Variants in PRPF18 observed in about 807,000 individuals in gnomAD.
PRPF18 encodes pre-mRNA-splicing factor 18.
Under a neutral mutation model 46.5 loss-of-function variants are expected in PRPF18, and 38 were observed. That is an observed-to-expected ratio of 0.82 (90% confidence interval 0.63 to 1.07). The LOEUF (loss-of-function observed/expected upper bound fraction) is 1.07, where lower values mean the gene tolerates loss of function less well. Ranked by LOEUF, PRPF18 falls within the 50% of genes least tolerant of loss-of-function variation. The pLI, the probability that PRPF18 is intolerant of heterozygous loss-of-function variation, is 0.00. For missense variants in PRPF18, 263 were observed against 410.0 expected (o/e 0.64, Z 3.10); for synonymous variants, 152 against 146.7 (o/e 1.04, Z -0.26).
At chr10:13,618,615 C>CAAAAAAAAAA (rs68069523) in intron 9 of PRPF18, among the ~76,000 whole-genome samples, 2 of 39,982 alleles carry the variant, frequency 5.0e-5, no homozygotes, top group African/African-American at 8.6e-5. Context: ...AAGACCCTGT[C>CAAAAAAAAAA]AAAAAAAAAA....
chr10:13,606,424 C>G (rs1313951742), intron 4 of PRPF18, among the ~76,000 whole-genome samples: 2 of 152,162 alleles, frequency 1.3e-5, no homozygotes, highest in Non-Finnish European at 2.9e-5. Context: ...AAATTTGTTT[C>G]CAGCTTTGGG....
At chr10:13,648,446 C>T in the PRPF18 span, among the ~76,000 whole-genome samples, 3 of 152,164 alleles carry the variant, frequency 2.0e-5, no homozygotes, top group African/African-American at 4.8e-5. Context: ...CCTAACTCCA[C>T]GTGGTCCTGG....
intron 1 of PRPF18, 77 bp downstream of exon 1, chr10:13,587,229 G>A (rs771358630): frequency 1.4e-6 from 2 of 1,449,036 alleles, no homozygotes; most frequent in African/African-American, 1.4e-5. Context: ...TGAGGGTGAC[G>A]ATACTCAGAG....
chr10:13,597,397 C>G, intron 1 of PRPF18, 61 bp from the exon 2 acceptor site: 1 of 1,148,966 alleles, frequency 8.7e-7, no homozygotes, highest in South Asian at 1.5e-5. Flanking sequence ...TATTTGTTGA[C>G]TATGGGACAT....
chr10:13,604,660 T>C (rs903784514), intron 3 of PRPF18, among the ~76,000 whole-genome samples: 1 of 152,234 alleles, frequency 6.6e-6, no homozygotes, highest in Non-Finnish European at 1.5e-5. Context: ...TTAGTGTTTT[T>C]CCTGTGTGTC....
At chr10:13,594,425 C>T (rs1447735708) in intron 1 of PRPF18, among the ~76,000 whole-genome samples, 1 of 152,196 alleles carries the variant, frequency 6.6e-6, no homozygotes, top group Non-Finnish European at 1.5e-5. Context: ...CTTGATACTA[C>T]ACCAAAACTA....
chr10:13,587,579 A>G (rs959504711), intron 1 of PRPF18, among the ~76,000 whole-genome samples: 1 of 152,240 alleles, frequency 6.6e-6, no homozygotes, highest in African/African-American at 2.4e-5. Context: ...CGTGCCCTGC[A>G]TTGGCCGTGG....
intron 9 of PRPF18, among the ~76,000 whole-genome samples, chr10:13,618,782 G>A (rs1278600252): frequency 6.6e-6 from 1 of 152,210 alleles, no homozygotes; most frequent in Non-Finnish European, 1.5e-5. Flanking sequence ...CTGACTCATG[G>A]TGGGTGCTTA....
chr10:13,625,069 C>T (rs560235519), intron 9 of PRPF18, among the ~76,000 whole-genome samples: 2 of 152,306 alleles, frequency 1.3e-5, no homozygotes. Flanking sequence ...CGTGGTGGCT[C>T]ATGCCTGTAA....
At chr10:13,587,227 A>C in intron 1 of PRPF18, 75 bp downstream of exon 1, 5 of 1,457,812 alleles carry the variant, frequency 3.4e-6, no homozygotes, top group Non-Finnish European at 4.8e-6. Flanking sequence ...GGTGAGGGTG[A>C]CGATACTCAG....
the PRPF18 span, chr10:13,654,037 T>A: frequency 7.4e-6 from 3 of 404,844 alleles, no homozygotes; most frequent in Admixed American, 1.2e-4. Context: ...ATTTGCTGTC[T>A]TCATCAGCTC....
At chr10:13,633,738 C>T (rs1055222886), downstream of PRPF18, among the ~76,000 whole-genome samples, 1 of 152,200 alleles carries the variant, frequency 6.6e-6, no homozygotes, top group African/African-American at 2.4e-5. Flanking sequence ...CTCCTTCCCC[C>T]AGTATACTCC....
chr10:13,638,006 T>A, the PRPF18 span: 2 of 152,248 alleles, frequency 1.3e-5, no homozygotes, highest in East Asian at 3.8e-4. Context: ...GAGCCCTAAT[T>A]TGTTTAGAAC....
intron 9 of PRPF18, among the ~76,000 whole-genome samples, chr10:13,617,978 C>T (rs2080370137): frequency 6.6e-6 from 1 of 152,124 alleles, no homozygotes; most frequent in African/African-American, 2.4e-5. Flanking sequence ...ACTCATAGCT[C>T]ATTGACAGAG....
Position 13,613,823 on chromosome 10 carries a change from C to T in PRPF18, c.662C>T (p.Ala221Val). The T allele has an allele frequency of 6.2e-7, 1 of 1,613,950 alleles. No individual in the cohort carries two copies. The highest frequency in any genetic ancestry group is 8.5e-7 in the Non-Finnish European group (1 of 1,179,946). Residue 221 changes from alanine to valine, a missense_variant, in exon 7 of 10, where the codon GCG (alanine) becomes GTG (valine). Transcript: ENST00000378572. Reference protein sequence around the residue: ...KRSVQGKLNSATQKQTESYLR... With the variant: ...KRSVQGKLNSVTQKQTESYLR... ...AGTGTGCAGGGTAAACTGAACAGTG[C>T]GACCCAGAAACAGACCGAGTCCTAC...
rs763672046 is a variant in PRPF18, at chr10:13,613,753, G to A, written c.592G>A (p.Val198Ile). 9.9e-6 allele frequency: 16 copies of A among 1,612,866 alleles called. No homozygotes were observed. Among genetic ancestry groups the A allele is most frequent in the East Asian group, 6.7e-5 (3 of 44,860 alleles). The change falls in exon 7 of 10, where the codon GTT becomes ATT. Residue 198 changes from valine to isoleucine, a missense_variant. Around this residue, in one of 4 missense-constraint regions of PRPF18, gnomAD observed 155 missense variants for 245.1 expected, o/e 0.63. Transcript: ENST00000378572. ...ITKFLKFLLG[V>I]WAKELNARED... is the part of the protein sequence containing the mutation. ...ATCCTTTCAACAGTTTCTTCTTGGC[G>A]TTTGGGCTAAAGAATTGAATGCCAG... is the stretch of plus-strand genomic sequence containing the variant.
intron 9 of PRPF18, among the ~76,000 whole-genome samples, chr10:13,627,740 A>T (rs576458170): frequency 6.6e-6 from 1 of 152,254 alleles, no homozygotes; most frequent in Non-Finnish European, 1.5e-5. Context: ...TTTAAATCAT[A>T]GAATCTGCTT....
At chr10:13,647,647 C>T in the PRPF18 span, 1 of 150,996 alleles carries the variant, frequency 6.6e-6, no homozygotes, top group East Asian at 1.9e-4. Flanking sequence ...GATGACTTTG[C>T]TTTATTCTAA....
chr10:13,604,279 G>A (rs1423978722), intron 3 of PRPF18, among the ~76,000 whole-genome samples: 1 of 152,004 alleles, frequency 6.6e-6, no homozygotes, highest in Non-Finnish European at 1.5e-5. Context: ...AGCTCTTGGT[G>A]TTTCTCATTA....
Sources: gnomAD v4.1 joint callset for allele counts (sites outside exome capture counted in the v4.1 genomes callset) on GRCh38, gnomAD v4.1.1 for gene constraint, gnomAD v4.1.1 regional missense constraint, MANE v1.5 for transcripts, NCBI Gene and HGNC (gene_info 2026-07-23, HGNC 2026-07-21) for gene names.